FAM118B: variants seen among roughly 807,000 people sequenced by gnomAD.
FAM118B encodes protein FAM118B.
A neutral mutation model predicts 38.5 loss-of-function variants in FAM118B; 24 were observed. The ratio of observed to expected loss-of-function variants is 0.62; its 90% CI spans 0.45 to 0.88. The LOEUF (loss-of-function observed/expected upper bound fraction) is 0.88. Ranked by LOEUF, FAM118B falls within the 40% of genes least tolerant of loss-of-function variation. The pLI is 0.00. For synonymous variants in FAM118B, 138 were observed against 156.3 expected (o/e 0.88, Z 0.87); for missense variants, 334 against 420.0 (o/e 0.80, Z 1.79).
intron 1 of FAM118B, among the ~76,000 whole-genome samples, chr11:126,217,101 C>G (rs561282689): frequency 2.5e-4 from 38 of 152,314 alleles, no homozygotes; most frequent in African/African-American, 8.9e-4. Flanking sequence ...TGGAGAAAAC[C>G]CACACAGACA....
At chr11:126,228,555 CGTTT>C (rs539355571) in intron 1 of FAM118B, among the ~76,000 whole-genome samples, 27 of 150,802 alleles carry the variant, frequency 1.8e-4, no homozygotes, top group Non-Finnish European at 3.1e-4. Context: ...GTCAATTTTT[CGTTT>C]GTTTGTTTGT....
chr11:126,248,017 G>A (rs767020685), intron 4 of FAM118B, among the ~76,000 whole-genome samples: 12 of 149,722 alleles, frequency 8.0e-5, no homozygotes, highest in Non-Finnish European at 1.3e-4. Context: ...GTGGTGGCAC[G>A]CACCTGTAGT....
chr11:126,221,518 T>A (rs1950062011), intron 1 of FAM118B, among the ~76,000 whole-genome samples: 1 of 152,120 alleles, frequency 6.6e-6, no homozygotes, highest in Non-Finnish European at 1.5e-5. Flanking sequence ...TTTTTAAGTT[T>A]GAAGTACAGT....
chr11:126,254,085 A>G (rs1950541393), intron 5 of FAM118B, among the ~76,000 whole-genome samples: 1 of 152,220 alleles, frequency 6.6e-6, no homozygotes, highest in Admixed American at 6.5e-5. Context: ...TTTGATGCTT[A>G]CTTTCAAAGA....
At chr11:126,245,970 T>A (rs549249791) in intron 4 of FAM118B, among the ~76,000 whole-genome samples, 1 of 142,994 alleles carries the variant, frequency 7.0e-6, no homozygotes, top group South Asian at 2.2e-4. Flanking sequence ...CACTCCAGCC[T>A]GGGCAACAGG....
At chr11:126,224,487 A>G (rs1391204176) in intron 1 of FAM118B, among the ~76,000 whole-genome samples, 1 of 150,424 alleles carries the variant, frequency 6.6e-6, no homozygotes, top group Admixed American at 6.6e-5. Flanking sequence ...AAAAAAAAAA[A>G]AAAAAAAAAA....
At chr11:126,227,501 T>C (rs921552821) in intron 1 of FAM118B, among the ~76,000 whole-genome samples, 5 of 152,254 alleles carry the variant, frequency 3.3e-5, no homozygotes, top group African/African-American at 1.2e-4. Context: ...GAATGTGAAC[T>C]CGAAAGTAAT....
intron 1 of FAM118B, among the ~76,000 whole-genome samples, chr11:126,221,534 A>G (rs1461747616): frequency 3.3e-5 from 5 of 152,144 alleles, no homozygotes; most frequent in African/African-American, 1.2e-4. Context: ...ACAGTCTGAA[A>G]GTACCTTTCA....
At position 126,256,505 on chromosome 11, in the gene FAM118B, T is replaced by G. The variant is rs1950581035; in HGVS notation, c.697-62T>G. 3 of 1,519,198 alleles carry G rather than the reference T, an allele frequency of 2.0e-6. No homozygotes were observed. The highest frequency in any genetic ancestry group is 2.7e-6 in the Non-Finnish European group (3 of 1,111,980). The allele number at this position is 1,519,198 out of a possible 1,614,324, so 94.1% of individuals were successfully genotyped here. ...TCTGCTCAACGTAGCATGACCTTCT[T>G]GTTTCAGACTTGCCTTGAGTGTGTC... is the stretch of plus-strand genomic sequence containing the variant. On this transcript the variant is annotated intron_variant, in intron 6 of 8. Coordinates refer to ENST00000533050, the MANE Select transcript of FAM118B (RefSeq NM_024556.4). This position sits in a 1 kb window ranked among gnomAD's most constrained non-coding sequence, Gnocchi z 6.6.
Position 126,222,905 on chromosome 11 carries a change from G to A in FAM118B, c.-76-6320G>A, listed in dbSNP as rs557988041. Among the ~76,000 whole-genome samples the A allele has an allele frequency of 8.5e-5, 13 of 152,254 alleles. 1 individual carries two copies. Among genetic ancestry groups the A allele is most frequent in the Admixed American group, 7.8e-4 (12 of 15,298 alleles). On this transcript the variant is annotated intron_variant, in intron 1 of 8. Coordinates refer to ENST00000533050, the MANE Select transcript of FAM118B (RefSeq NM_024556.4). ...GAAGGGCTTTTATTCTTGTGGGAGA[G>A]GCCAATAATTGCAAGTACTGTGAGA...
At chr11:126,257,440 G>T (rs1177016931) in intron 7 of FAM118B, among the ~76,000 whole-genome samples, 1 of 152,010 alleles carries the variant, frequency 6.6e-6, no homozygotes, top group Non-Finnish European at 1.5e-5. Context: ...AATTGGTGGA[G>T]ATTCTACAGA....
intron 1 of FAM118B, among the ~76,000 whole-genome samples, chr11:126,214,985 C>T (rs564307794): frequency 6.6e-6 from 1 of 152,300 alleles, no homozygotes; most frequent in African/African-American, 2.4e-5. Context: ...CCAGCGATTC[C>T]ATTTCCTTGA....
At chr11:126,225,716 A>G (rs1269457477) in intron 1 of FAM118B, among the ~76,000 whole-genome samples, 2 of 152,334 alleles carry the variant, frequency 1.3e-5, no homozygotes, top group East Asian at 3.9e-4. Context: ...AGATTACTAA[A>G]GACCTGTAAT....
chr11:126,236,843 T>G (rs1258355214), intron 3 of FAM118B, among the ~76,000 whole-genome samples: 1 of 151,830 alleles, frequency 6.6e-6, no homozygotes, highest in African/African-American at 2.4e-5. Flanking sequence ...AAATTTCTGT[T>G]GCGTTATTTT....
Position 126,262,310 on chromosome 11 carries a change from G to T in FAM118B, c.*177G>T. ...GCAGCGTAATCCTTCATACCACCTG[G>T]TTCTTGATATTCTGCCGCCTGTTCA... On this transcript the variant is annotated 3_prime_UTR_variant, in exon 9 of 9. Transcript: ENST00000533050. 66 of 501,580 alleles carry T rather than the reference G, an allele frequency of 1.3e-4. No individual in the cohort carries two copies. Among genetic ancestry groups the T allele is most frequent in the Non-Finnish European group, 1.6e-4 (45 of 278,850 alleles). 31.1% of individuals were successfully genotyped at this position (501,580 alleles called of 1,614,324 possible). A position where few individuals can be genotyped will look rare whatever the true frequency, so the allele number is the denominator to read the frequency against.
At chr11:126,245,294 T>G (rs1950405504) in intron 4 of FAM118B, 1 of 147,318 alleles carries the variant, frequency 6.8e-6, no homozygotes, top group African/African-American at 2.5e-5. Flanking sequence ...AAAAAAAAAA[T>G]TAAAACTTCA....
At chr11:126,243,908 A>G (rs1007581989) in intron 4 of FAM118B, among the ~76,000 whole-genome samples, 7 of 151,942 alleles carry the variant, frequency 4.6e-5, no homozygotes, top group African/African-American at 1.7e-4. Context: ...CGTCTCAAAA[A>G]AAAAAAAAAA....
chr11:126,219,266 C>T (rs1950026097), intron 1 of FAM118B, among the ~76,000 whole-genome samples: 1 of 150,708 alleles, frequency 6.6e-6, no homozygotes. Flanking sequence ...TGGAATGCAG[C>T]ACAGGAATAT....
At chr11:126,254,876 A>G (rs992541588) in intron 6 of FAM118B, among the ~76,000 whole-genome samples, 1 of 152,218 alleles carries the variant, frequency 6.6e-6, no homozygotes, top group African/African-American at 2.4e-5. Flanking sequence ...GTGCTTCTTA[A>G]CTTATGGGTG....
Sources: gnomAD v4.1 joint callset for allele counts (sites outside exome capture counted in the v4.1 genomes callset) on GRCh38, gnomAD v4.1.1 for gene constraint, Gnocchi (gnomAD v3.1) non-coding constraint, MANE v1.5 for transcripts, NCBI Gene and HGNC (gene_info 2026-07-23, HGNC 2026-07-21) for gene names.